DLGAP2: variants seen among roughly 807,000 people sequenced by gnomAD.
The protein encoded by DLGAP2 is disks large-associated protein 2.
In DLGAP2, 26 loss-of-function variants were observed where a neutral mutation model predicts 100.3. The observed-to-expected ratio is 0.26, with a 90% CI of 0.19 to 0.36. DLGAP2 has a LOEUF of 0.36. Among genes scored for constraint, DLGAP2 ranks in the 10% least tolerant of loss-of-function variants. The probability of loss-of-function intolerance (pLI) is 1.00; values close to 1 mark genes in which losing one functional copy is unlikely to be tolerated. For synonymous variants in DLGAP2, 886 were observed against 630.1 expected, an observed-to-expected ratio of 1.41 and a Z score of -6.08; for missense variants, 1,858 against 1,453.2, an observed-to-expected ratio of 1.28 and a Z score of -4.53.
intron 6 of DLGAP2, among the ~76,000 whole-genome samples, chr8:1,615,017 G>A (rs886148157): frequency 2.0e-5 from 3 of 152,226 alleles, no homozygotes; most frequent in East Asian, 1.9e-4. Context: ...GCAGGAGGGC[G>A]GTAGGAACTG....
At chr8:1,349,444 C>T (rs1380232130) in intron 3 of DLGAP2, among the ~76,000 whole-genome samples, 6 of 149,764 alleles carry the variant, frequency 4.0e-5, no homozygotes, top group African/African-American at 7.5e-5. Flanking sequence ...GGGGAACTAT[C>T]GTCAGCCTCC....
chr8:1,345,037 G>A (rs947627865), intron 3 of DLGAP2, among the ~76,000 whole-genome samples: 11 of 152,194 alleles, frequency 7.2e-5, no homozygotes, highest in African/African-American at 2.4e-4. Flanking sequence ...TCATCTTTCA[G>A]AGGAATCATT....
chr8:1,027,103 G>T (rs1801821995), intron 2 of DLGAP2, among the ~76,000 whole-genome samples: 1 of 151,312 alleles, frequency 6.6e-6, no homozygotes, highest in East Asian at 1.9e-4. Context: ...TTAGGGAAGG[G>T]TTTTTTTTTA....
chr8:1,055,688 G>C (rs1021886973), intron 2 of DLGAP2, among the ~76,000 whole-genome samples: 2 of 152,150 alleles, frequency 1.3e-5, no homozygotes, highest in African/African-American at 4.8e-5. Flanking sequence ...CCTCCACAAA[G>C]CAGGTTCCAG....
intron 3 of DLGAP2, among the ~76,000 whole-genome samples, chr8:1,481,448 A>ATTTTCT (rs1418758632): frequency 5.5e-5 from 5 of 90,910 alleles, no homozygotes; most frequent in Non-Finnish European, 1.0e-4. Flanking sequence ...ACTTTATTGG[A>ATTTTCT]TTTTCTTTTT....
At chr8:1,097,920 G>T (rs566637498) in intron 2 of DLGAP2, among the ~76,000 whole-genome samples, 13 of 152,350 alleles carry the variant, frequency 8.5e-5, no homozygotes, top group African/African-American at 2.4e-4. Flanking sequence ...GAGTCGAGCT[G>T]GGAGCCTAGG....
At chr8:1,231,444 T>A (rs1056374793) in intron 2 of DLGAP2, among the ~76,000 whole-genome samples, 1 of 152,164 alleles carries the variant, frequency 6.6e-6, no homozygotes. Context: ...TCTCAAAGAA[T>A]TTAGAACTAC....
At chr8:1,346,437 A>G (rs13250118) in intron 3 of DLGAP2, among the ~76,000 whole-genome samples, 1,487 of 142,800 alleles carry the variant, frequency 0.01, 33 homozygotes, top group African/African-American at 0.038. Flanking sequence ...CCCTGTACAC[A>G]TCTGCATTGC....
chr8:1,372,307 C>T (rs188790510), intron 3 of DLGAP2, among the ~76,000 whole-genome samples: 5 of 152,122 alleles, frequency 3.3e-5, no homozygotes, highest in East Asian at 1.9e-4. Flanking sequence ...AACGCTGGGA[C>T]GCTGGTCACC....
chr8:1,675,167 C>T lies in DLGAP2; in HGVS notation c.2203-1366C>T, dbSNP rs963129897. 7.9e-5 allele frequency among the ~76,000 whole-genome samples: 12 copies of T among 152,342 alleles called. No individual in the cohort carries two copies. In the East Asian group the frequency reaches 9.7e-4, roughly 12 times the overall value. ...CTGCGCCTGTCTTCAGAATTACACCCGGTGAAAGTGGACGTCTCTGTCCGT... is the reference window on the plus strand; with the variant it reads ...CTGCGCCTGTCTTCAGAATTACACCTGGTGAAAGTGGACGTCTCTGTCCGT... On this transcript the variant is annotated intron_variant, in intron 10 of 14. Transcript: ENST00000637795.
chr8:1,635,284 A>T (rs1184504003), intron 8 of DLGAP2, among the ~76,000 whole-genome samples: 1 of 152,234 alleles, frequency 6.6e-6, no homozygotes, highest in East Asian at 1.9e-4. Context: ...AAACAAAATT[A>T]TGGAGGAAAA....
At chr8:1,525,674 T>C (rs1340739874) in intron 4 of DLGAP2, among the ~76,000 whole-genome samples, 1 of 152,264 alleles carries the variant, frequency 6.6e-6, no homozygotes, top group Admixed American at 6.5e-5. Context: ...AGGTTCTTCC[T>C]GATCTCACCT....
intron 4 of DLGAP2, among the ~76,000 whole-genome samples, chr8:1,535,582 AG>A (rs1563206499): frequency 6.6e-6 from 1 of 152,208 alleles, no homozygotes; most frequent in Admixed American, 6.5e-5. Context: ...ATTGTTGGTA[AG>A]ATGTGTGATG....
chr8:1,201,327 C>T (rs1004559327), intron 2 of DLGAP2, among the ~76,000 whole-genome samples: 10 of 152,210 alleles, frequency 6.6e-5, no homozygotes, highest in Non-Finnish European at 1.3e-4. Flanking sequence ...ACCCTGGAAC[C>T]AGCAGGAGCT....
At chr8:1,498,536 C>G (rs963577901) in intron 3 of DLGAP2, among the ~76,000 whole-genome samples, 1 of 152,150 alleles carries the variant, frequency 6.6e-6, no homozygotes, top group Non-Finnish European at 1.5e-5. Flanking sequence ...GCATGACTCC[C>G]CAGGCCCCTT....
At position 1,682,165 on chromosome 8, in the gene DLGAP2, G is replaced by A. The variant is rs556234424; in HGVS notation, c.2704+3536G>A. On this transcript the variant is annotated intron_variant, in intron 12 of 14. Transcript: ENST00000637795. ...CCTTCACCTCATTCTGGTCCTCCAC[G>A]ACTGTGACCCACGTGTGGTCCACAG... Among the ~76,000 whole-genome samples the A allele has an allele frequency of 2.4e-4, 36 of 152,294 alleles. 1 individual carries two copies. The South Asian group carries it at 7.3e-3, about 31-fold the overall frequency.
intron 4 of DLGAP2, among the ~76,000 whole-genome samples, chr8:1,508,351 C>CCACCACGCGCACATCGCTGTTG: frequency 1.7e-5 from 1 of 60,234 alleles, no homozygotes; most frequent in Non-Finnish European, 3.4e-5. Flanking sequence ...CAAACCCCCG[C>CCACCACGCGCACATCGCTGTTG]AAACCCCCGC....
At chr8:1,453,142 G>A (rs533337243) in intron 3 of DLGAP2, among the ~76,000 whole-genome samples, 20 of 151,852 alleles carry the variant, frequency 1.3e-4, no homozygotes, top group African/African-American at 3.9e-4. Context: ...GGGGAACGTC[G>A]CAGGTATTGG....
intron 2 of DLGAP2, among the ~76,000 whole-genome samples, chr8:1,005,865 C>T (rs1801093635): frequency 1.3e-5 from 2 of 152,086 alleles, no homozygotes; most frequent in African/African-American, 2.4e-5. Flanking sequence ...CCAGATGTCC[C>T]ATGACTGGCA....
Sources: gnomAD v4.1 joint callset for allele counts (sites outside exome capture counted in the v4.1 genomes callset) on GRCh38, gnomAD v4.1.1 for gene constraint, MANE v1.5 for transcripts, NCBI Gene and HGNC (gene_info 2026-07-23, HGNC 2026-07-21) for gene names.